The following WWP1 variants were observed in gnomAD, a reference collection of about 807,000 sequenced individuals.
WWP1 encodes the protein NEDD4-like E3 ubiquitin-protein ligase WWP1.
Under a neutral mutation model 130.6 loss-of-function variants are expected in WWP1, and 49 were observed. The observed-to-expected ratio is 0.38, with a 90% CI of 0.30 to 0.48. The LOEUF (loss-of-function observed/expected upper bound fraction) is 0.48. Ranked by LOEUF, WWP1 falls within the 20% of genes least tolerant of loss-of-function variation. The pLI, the probability that WWP1 is intolerant of heterozygous loss-of-function variation, is 0.99. For missense variants in WWP1, 809 were observed against 1,100.6 expected, an observed-to-expected ratio of 0.74 and a Z score of 3.75; for synonymous variants, 332 against 367.8, an observed-to-expected ratio of 0.90 and a Z score of 1.11.
intron 5 of WWP1, among the ~76,000 whole-genome samples, chr8:86,393,914 G>A (rs148150462): frequency 3.9e-5 from 6 of 152,306 alleles, no homozygotes; most frequent in African/African-American, 1.4e-4. Context: ...GGCATTTCAG[G>A]TTTTGCCTTG....
chr8:86,405,907 A>G (rs1808253404), intron 8 of WWP1, among the ~76,000 whole-genome samples: 1 of 152,172 alleles, frequency 6.6e-6, no homozygotes, highest in African/African-American at 2.4e-5. Context: ...CAGATTAGGA[A>G]TTGTGGGTCA....
chr8:86,366,401 G>A (rs769402941), intron 1 of WWP1, among the ~76,000 whole-genome samples: 5 of 152,210 alleles, frequency 3.3e-5, no homozygotes, highest in Admixed American at 2.0e-4. Context: ...TGATTAGGGA[G>A]ATCAGTGGTG....
At chr8:86,438,767 A>T in intron 17 of WWP1, 94 bp downstream of exon 17, 1 of 1,068,636 alleles carries the variant, frequency 9.4e-7, no homozygotes, top group Non-Finnish European at 1.3e-6. Context: ...ATATTGTATT[A>T]AATTTTTGAA....
intron 9 of WWP1, among the ~76,000 whole-genome samples, chr8:86,419,347 G>A (rs1809067491): frequency 6.6e-6 from 1 of 152,210 alleles, no homozygotes; most frequent in Admixed American, 6.5e-5. Flanking sequence ...GAACCTGGGA[G>A]ACGGAGGTTG....
At chr8:86,355,693 T>A (rs1823212708) in intron 1 of WWP1, among the ~76,000 whole-genome samples, 1 of 152,174 alleles carries the variant, frequency 6.6e-6, no homozygotes, top group Admixed American at 6.5e-5. Flanking sequence ...TGCTTATACT[T>A]TTACACACTT....
intron 3 of WWP1, among the ~76,000 whole-genome samples, chr8:86,376,080 T>C (rs1395379598): frequency 1.3e-5 from 2 of 152,244 alleles, no homozygotes; most frequent in Non-Finnish European, 2.9e-5. Flanking sequence ...GAAACAGTTC[T>C]GATGAAGCTG....
intron 10 of WWP1, among the ~76,000 whole-genome samples, chr8:86,425,693 G>T (rs774423426): frequency 6.6e-6 from 1 of 152,056 alleles, no homozygotes; most frequent in Non-Finnish European, 1.5e-5. Context: ...TGACTTAAAG[G>T]CCCAAATGAT....
intron 16 of WWP1, 97 bp downstream of exon 16, chr8:86,435,801 A>T: frequency 8.8e-7 from 1 of 1,140,544 alleles, no homozygotes; most frequent in Non-Finnish European, 1.3e-6. Flanking sequence ...AACCACCCAG[A>T]ACACAGCTAT....
intron 21 of WWP1, 108 bp from the exon 22 acceptor site, chr8:86,457,813 C>A: frequency 2.1e-6 from 2 of 938,296 alleles, no homozygotes; most frequent in Non-Finnish European, 3.3e-6. Flanking sequence ...ATGCATATAG[C>A]TTTTCACATA....
At chr8:86,455,030 A>G (rs1328283861) in intron 21 of WWP1, among the ~76,000 whole-genome samples, 1 of 151,966 alleles carries the variant, frequency 6.6e-6, no homozygotes, top group Non-Finnish European at 1.5e-5. Flanking sequence ...TACCATAGTA[A>G]TGGTTATTTA....
chr8:86,350,752 G>C (rs940634138), intron 1 of WWP1, among the ~76,000 whole-genome samples: 10 of 152,312 alleles, frequency 6.6e-5, no homozygotes, highest in African/African-American at 2.4e-4. Flanking sequence ...TAGCTGTTCA[G>C]TATACTCATA....
intron 1 of WWP1, among the ~76,000 whole-genome samples, chr8:86,364,779 C>T (rs995220319): frequency 2.7e-5 from 4 of 147,574 alleles, no homozygotes; most frequent in African/African-American, 1.0e-4. Context: ...GCACTCTATC[C>T]TGGGCGACAA....
intron 1 of WWP1, among the ~76,000 whole-genome samples, chr8:86,351,941 A>G (rs910175132): frequency 6.6e-6 from 1 of 151,896 alleles, no homozygotes; most frequent in African/African-American, 2.4e-5. Flanking sequence ...TTTTATGCAC[A>G]TTAGTTTGAG....
At chr8:86,391,152 C>T (rs751972767) in intron 5 of WWP1, among the ~76,000 whole-genome samples, 4 of 152,138 alleles carry the variant, frequency 2.6e-5, no homozygotes, top group Non-Finnish European at 5.9e-5. Context: ...CAACTAACTG[C>T]GTCTTGTTAG....
intron 1 of WWP1, 150 bp downstream of exon 1, chr8:86,343,080 A>C (rs1242128131): frequency 3.6e-6 from 1 of 279,802 alleles, no homozygotes; most frequent in African/African-American, 2.2e-5. Flanking sequence ...GGTCCGCCCT[A>C]CCTTGGCTAC....
chr8:86,437,668 T>C (rs1218151686), intron 16 of WWP1, among the ~76,000 whole-genome samples: 2 of 152,224 alleles, frequency 1.3e-5, no homozygotes, highest in African/African-American at 2.4e-5. Context: ...TGAAAAGCCA[T>C]GTATAACTTT....
intron 24 of WWP1, among the ~76,000 whole-genome samples, chr8:86,462,692 G>A (rs534435940): frequency 5.9e-5 from 9 of 152,276 alleles, no homozygotes. Context: ...CCTAGAGATA[G>A]GTGATTCTTT....
intron 22 of WWP1, among the ~76,000 whole-genome samples, chr8:86,459,023 C>CTTTTTTTTTTTTTTTTTTT (rs71275853): frequency 7.7e-4 from 65 of 84,256 alleles, no homozygotes; most frequent in East Asian, 1.2e-3. Flanking sequence ...TTTCTTTTTT[C>CTTTTTTTTTTTTTTTTTTT]TTTTTTTTTT....
chr8:86,454,227 C>T (rs949508551), intron 21 of WWP1, among the ~76,000 whole-genome samples: 1 of 152,098 alleles, frequency 6.6e-6, no homozygotes, highest in Admixed American at 6.6e-5. Context: ...CTCTAGATTA[C>T]TTATAAATAC....
Sources: allele counts gnomAD v4.1 joint callset (sites outside exome capture counted in the v4.1 genomes callset), GRCh38; gene constraint gnomAD v4.1.1; transcripts MANE v1.5; gene names NCBI Gene and HGNC (gene_info 2026-07-23, HGNC 2026-07-21).